INTS7: variants seen among roughly 807,000 people sequenced by gnomAD.
The protein encoded by INTS7 is chromosome 1 open reading frame 73.
Under a neutral mutation model 109.2 loss-of-function variants are expected in INTS7, and 46 were observed. That is an observed-to-expected ratio of 0.42 (90% CI 0.33 to 0.54). The LOEUF (loss-of-function observed/expected upper bound fraction) is 0.54. Among genes scored for constraint, INTS7 ranks in the 20% least tolerant of loss-of-function variants. The pLI is 0.07. For synonymous variants in INTS7, 412 were observed against 402.9 expected (o/e 1.02, Z -0.27); for missense variants, 929 against 1,132.4 (o/e 0.82, Z 2.58).
chr1:211,974,276 AAT>A (rs58474002), intron 13 of INTS7, among the ~76,000 whole-genome samples: 34 of 92,410 alleles, frequency 3.7e-4, no homozygotes, highest in African/African-American at 8.9e-4. Context: ...AGAAAAAAAA[AAT>A]ATATATATAT....
rs1038045802 is a variant in INTS7 at position 211,966,516 on chromosome 1, T to C, written c.2115-18A>G. 2 of 1,552,082 alleles carry C rather than the reference T, an allele frequency of 1.3e-6. No homozygotes were observed. Among genetic ancestry groups the C allele is most frequent in the Non-Finnish European group, 8.8e-7 (1 of 1,132,258 alleles). On this transcript the variant is annotated intron_variant, in intron 15 of 19. Transcript: ENST00000366994. Reference sequence around the variant, plus strand: ...GCTGCTGTCTGGATTGATGTTAAGGTTACATACGAAAATAGAGAAGAAACC... The same window carrying C: ...GCTGCTGTCTGGATTGATGTTAAGGCTACATACGAAAATAGAGAAGAAACC...
intron 12 of INTS7, among the ~76,000 whole-genome samples, chr1:211,975,985 A>C (rs949149014): frequency 6.6e-6 from 1 of 151,706 alleles, no homozygotes; most frequent in Admixed American, 6.6e-5. Flanking sequence ...TTTTTAGTAG[A>C]GACAGGCTTT....
intron 19 of INTS7, among the ~76,000 whole-genome samples, chr1:211,943,241 A>C (rs1431979454): frequency 1.3e-5 from 2 of 151,794 alleles, no homozygotes; most frequent in African/African-American, 2.4e-5. Context: ...AACACTGCAA[A>C]GTAATCATGT....
intron 16 of INTS7, among the ~76,000 whole-genome samples, chr1:211,953,415 T>C (rs1008845053): frequency 6.6e-6 from 1 of 152,130 alleles, no homozygotes; most frequent in African/African-American, 2.4e-5. Flanking sequence ...TTATTATCAT[T>C]ATACTTTAAG....
chr1:211,994,096 A>C (rs1262301595), intron 7 of INTS7, among the ~76,000 whole-genome samples: 3 of 152,172 alleles, frequency 2.0e-5, no homozygotes, highest in Admixed American at 2.0e-4. Context: ...TAACAAAAGA[A>C]GGAAAGACAA....
rs1178930776 is a variant in INTS7 at position 212,006,678 on chromosome 1, A to G, written c.840T>C (p.Ala280=). 2 of 1,589,968 alleles carry G rather than the reference A, an allele frequency of 1.3e-6. No homozygotes were observed. Among genetic ancestry groups the G allele is most frequent in the Admixed American group, 3.4e-5 (2 of 59,606 alleles). Residue 280 remains alanine, a synonymous_variant, in exon 7 of 20, where the codon GCT becomes GCC. Transcript: ENST00000366994. The part of the protein sequence containing the change: ...RLAIQDLKLL[A]NKTPHTWSRE... The stretch of plus-strand genomic sequence containing the variant: ...TACTCCAAGTATGTGGTGTTTTATT[A>G]GCAAGTAATTTCAGATCTTGAATAG...
intron 16 of INTS7, among the ~76,000 whole-genome samples, chr1:211,961,197 A>G (rs756143064): frequency 3.3e-5 from 5 of 152,064 alleles, no homozygotes; most frequent in Non-Finnish European, 7.4e-5. Context: ...CCCAACCTAG[A>G]AAAAGAGGCC....
At chr1:212,029,417 T>C (rs1262410517) in intron 1 of INTS7, among the ~76,000 whole-genome samples, 1 of 152,236 alleles carries the variant, frequency 6.6e-6, no homozygotes, top group Non-Finnish European at 1.5e-5. Flanking sequence ...GCTGCTGCCA[T>C]GGCAGAACTG....
At chr1:211,949,839 A>G (rs17018267) in intron 17 of INTS7, among the ~76,000 whole-genome samples, 3,124 of 152,306 alleles carry the variant, frequency 0.021, 117 homozygotes, top group African/African-American at 0.07. Context: ...CCTAGCCTGT[A>G]TGTTACATTG....
chr1:211,993,136 A>G (rs1665216055), intron 7 of INTS7, among the ~76,000 whole-genome samples: 1 of 152,240 alleles, frequency 6.6e-6, no homozygotes, highest in Admixed American at 6.5e-5. Flanking sequence ...GTTATGTTTG[A>G]AAGTATTCTG....
Position 211,975,225 on chromosome 1 carries a change from C to G in INTS7, c.1756G>C (p.Ala586Pro), listed in dbSNP as rs1174397327. 6.2e-7 allele frequency: 1 copy of G among 1,613,894 alleles called. No homozygotes were observed. The highest frequency in any genetic ancestry group is 8.5e-7 in the Non-Finnish European group (1 of 1,179,886). Residue 586 changes from alanine to proline, a missense_variant, in exon 13 of 20, where the codon GCA becomes CCA. Physicochemically the swap from Ala to Pro is conservative, Grantham distance 27. Around this residue, in one of 2 missense-constraint regions of INTS7, gnomAD observed 787 missense variants for 901.1 expected, o/e 0.87. Coordinates refer to ENST00000366994, the MANE Select transcript of INTS7 (RefSeq NM_015434.4). ...TGLQEENYSS[A>P]LSCIAESLKF... is the part of the protein sequence containing the mutation. ...AAAGATTCAGCAATGCAAGAAAGTG[C>G]TGAACTATAATTTTCCTCTTGCAAC...
chr1:212,006,322 G>A (rs530638846), intron 7 of INTS7, among the ~76,000 whole-genome samples: 1 of 152,160 alleles, frequency 6.6e-6, no homozygotes, highest in African/African-American at 2.4e-5. Context: ...TCCCCAAATT[G>A]ACTGAAAAAT....
chr1:211,964,739 T>C (rs1191247885), intron 16 of INTS7, among the ~76,000 whole-genome samples: 2 of 152,150 alleles, frequency 1.3e-5, no homozygotes, highest in African/African-American at 2.4e-5. Flanking sequence ...TCCTGTTCAA[T>C]AGATGGTGCT....
chr1:212,020,123 G>A lies in INTS7; in HGVS notation c.370C>T (p.Arg124Trp), dbSNP rs1317641892. The A allele has an allele frequency of 6.3e-6, 10 of 1,592,192 alleles. No individual in the cohort carries two copies. The highest frequency in any genetic ancestry group is 1.8e-5 in the Admixed American group (1 of 56,754). The change falls in exon 3 of 20, where the codon CGG becomes TGG. Residue 124 changes from arginine to tryptophan, a missense_variant and splice_region_variant. Arg to Trp is a moderately radical substitution (Grantham distance 101). Coordinates refer to ENST00000366994, the MANE Select transcript of INTS7 (RefSeq NM_015434.4). ...NDPVARAITL[R>W]MLGSLASIIP... ...GAATTATTATAATACGGTATATACC[G>A]GAGGGTGATGGCTCTTGCCACAGGA...
At chr1:212,008,707 G>GC (rs766335879) in intron 5 of INTS7, among the ~76,000 whole-genome samples, 3 of 152,070 alleles carry the variant, frequency 2.0e-5, no homozygotes, top group Non-Finnish European at 4.4e-5. Context: ...CCTTGAAACT[G>GC]CCCCTCCAAA....
intron 9 of INTS7, among the ~76,000 whole-genome samples, chr1:211,982,167 T>C (rs1664697902): frequency 6.6e-6 from 1 of 152,200 alleles, no homozygotes; most frequent in Non-Finnish European, 1.5e-5. Context: ...AATATGTGCA[T>C]TATTTTCCTT....
intron 1 of INTS7, among the ~76,000 whole-genome samples, chr1:212,029,340 C>T (rs6666948): frequency 0.23 from 34,956 of 152,184 alleles, 5,305 homozygotes; most frequent in Non-Finnish European, 0.33. Context: ...CCAGATGCAA[C>T]AATTAGCTCT....
chr1:211,990,656 G>GT (rs1665105233), intron 7 of INTS7, among the ~76,000 whole-genome samples: 1 of 152,184 alleles, frequency 6.6e-6, no homozygotes, highest in Non-Finnish European at 1.5e-5. Context: ...GAAAGATGCA[G>GT]TATGTTTCTG....
intron 16 of INTS7, among the ~76,000 whole-genome samples, chr1:211,953,150 T>A (rs1040340805): frequency 7.2e-5 from 11 of 152,206 alleles, no homozygotes; most frequent in Middle Eastern, 3.4e-3. Flanking sequence ...AGTAGGTAAG[T>A]AAGATGGGTA....
Sources: allele counts gnomAD v4.1 joint callset (sites outside exome capture counted in the v4.1 genomes callset), GRCh38; gene constraint gnomAD v4.1.1; regional missense constraint gnomAD v4.1.1; transcripts MANE v1.5; gene names NCBI Gene and HGNC (gene_info 2026-07-23, HGNC 2026-07-21).